The following KDM4C variants were observed in gnomAD, a reference collection of about 807,000 sequenced individuals.
KDM4C encodes the protein lysine-specific demethylase 4C.
KDM4C carries 81 observed loss-of-function variants against 129.3 expected under a neutral mutation model. The observed-to-expected ratio is 0.63, with a 90% confidence interval of 0.52 to 0.75. KDM4C has a LOEUF of 0.75. Among genes scored for constraint, KDM4C ranks in the 30% least tolerant of loss-of-function variants. The pLI, the probability that KDM4C is intolerant of heterozygous loss-of-function variation, is 0.00. For synonymous variants in KDM4C, 573 were observed against 456.1 expected (o/e 1.26, Z -3.26); for missense variants, 1,457 against 1,304.0 (o/e 1.12, Z -1.81).
At chr9:6,905,911 G>C (rs1029340271) in intron 8 of KDM4C, among the ~76,000 whole-genome samples, 1 of 152,052 alleles carries the variant, frequency 6.6e-6, no homozygotes, top group African/African-American at 2.4e-5. Context: ...CAGTTAGAGT[G>C]GCCTCTGTGT....
rs1189160691 is a variant in KDM4C at position 7,049,123 on chromosome 9, C to T, written c.2347C>T (p.Pro783Ser). The change falls in exon 17 of 22, where the codon CCA becomes TCA. Residue 783 changes from proline (P) to serine (S), a missense_variant. Physicochemically the swap from Pro to Ser is moderately conservative, Grantham distance 74. Transcript: ENST00000381309. ...CCATGTCATGTGCGCCGTTGCGGTC[C>T]CAGAAGTTCGATTCACTAATGTCCC... is the stretch of plus-strand genomic sequence containing the variant. ...WAHVMCAVAV[P>S]EVRFTNVPER... 2.5e-6 allele frequency: 4 copies of T among 1,612,488 alleles called. No homozygotes were observed. The highest frequency in any genetic ancestry group is 3.4e-6 in the Non-Finnish European group (4 of 1,178,886).
At chr9:6,888,537 T>C (rs1311702350) in intron 7 of KDM4C, among the ~76,000 whole-genome samples, 3 of 152,208 alleles carry the variant, frequency 2.0e-5, no homozygotes, top group East Asian at 3.8e-4. Flanking sequence ...TAATCTGATA[T>C]TGCTTCTGCG....
intron 4 of KDM4C, among the ~76,000 whole-genome samples, chr9:6,841,850 C>T (rs1316618352): frequency 6.6e-6 from 1 of 152,236 alleles, no homozygotes; most frequent in Admixed American, 6.5e-5. Context: ...TGCCATTCTG[C>T]TGCCTCACAG....
chr9:7,169,026 C>G (rs1844683042), intron 20 of KDM4C, among the ~76,000 whole-genome samples: 2 of 128,646 alleles, frequency 1.6e-5, no homozygotes, highest in African/African-American at 3.0e-5. Context: ...GCCTGAGCAA[C>G]AGGGCAAGGC....
chr9:6,820,132 G>T (rs561265574), intron 4 of KDM4C, among the ~76,000 whole-genome samples: 3 of 152,284 alleles, frequency 2.0e-5, no homozygotes, highest in South Asian at 2.1e-4. Flanking sequence ...TAGACTTTGT[G>T]GGGTGGAGGG....
chr9:6,941,790 G>A (rs1480786933), intron 8 of KDM4C: 3 of 152,330 alleles, frequency 2.0e-5, no homozygotes, highest in African/African-American at 4.8e-5. Context: ...GTACCTAGGA[G>A]TCTGTAGGGC....
At chr9:6,801,550 T>TA (rs558136132) in intron 2 of KDM4C, among the ~76,000 whole-genome samples, 1,688 of 145,510 alleles carry the variant, frequency 0.012, 95 homozygotes, top group Admixed American at 0.096. Context: ...CCTTGTCTCT[T>TA]AAAAAAAAAA....
At chr9:6,804,422 G>C (rs548307548) in intron 2 of KDM4C, among the ~76,000 whole-genome samples, 150 of 152,286 alleles carry the variant, frequency 9.8e-4, no homozygotes, top group Middle Eastern at 3.4e-3. Flanking sequence ...AGATCTACTA[G>C]CATACCGCTG....
rs1451250701 is a variant in KDM4C at position 7,046,185 on chromosome 9, T to G, written c.2260-677T>G. The stretch of plus-strand genomic sequence containing the variant: ...ATATTTGTAGCAATTGGAGTCATCT[T>G]GGAGTAGAAAATTACATTCTAAGCT... On this transcript the variant is annotated intron_variant, in intron 15 of 21. Coordinates refer to ENST00000381309, the MANE Select transcript of KDM4C (RefSeq NM_015061.6). Among the ~76,000 whole-genome samples, 5 of 151,792 alleles carry G rather than the reference T, an allele frequency of 3.3e-5. No homozygotes were observed. In the East Asian group the frequency reaches 9.7e-4, roughly 29 times the overall value.
chr9:6,902,078 G>A (rs908622954), intron 8 of KDM4C, among the ~76,000 whole-genome samples: 6 of 152,126 alleles, frequency 3.9e-5, no homozygotes, highest in Non-Finnish European at 7.4e-5. Context: ...TTGTTGTTTG[G>A]GTTGGGGTTC....
At chr9:7,173,119 A>G (rs1376325560) in intron 21 of KDM4C, among the ~76,000 whole-genome samples, 3 of 152,200 alleles carry the variant, frequency 2.0e-5, no homozygotes, top group Non-Finnish European at 4.4e-5. Context: ...CCTCACCTTT[A>G]TGGGGTTCCC....
chr9:6,772,620 C>G (rs1483479883), intron 1 of KDM4C, among the ~76,000 whole-genome samples: 2 of 152,014 alleles, frequency 1.3e-5, no homozygotes, highest in Non-Finnish European at 2.9e-5. Flanking sequence ...CTCGGCCTCC[C>G]AAAGTGCTGG....
intron 6 of KDM4C, among the ~76,000 whole-genome samples, chr9:6,883,252 G>A (rs553833401): frequency 5.9e-5 from 9 of 152,074 alleles, no homozygotes; most frequent in Non-Finnish European, 1.0e-4. Context: ...ATATTATATT[G>A]AAATGTCTAG....
chr9:7,149,171 G>C (rs1308504520), intron 19 of KDM4C, among the ~76,000 whole-genome samples: 2 of 152,234 alleles, frequency 1.3e-5, no homozygotes, highest in African/African-American at 2.4e-5. Context: ...CAAAATGTCA[G>C]CCTCAGAACT....
At chr9:7,080,750 G>A (rs6477149) in intron 17 of KDM4C, among the ~76,000 whole-genome samples, 117,561 of 152,140 alleles carry the variant, frequency 0.77, 45,695 homozygotes, top group African/African-American at 0.84. Context: ...GGGAAATAAT[G>A]TCCTTTTGCA....
intron 2 of KDM4C, among the ~76,000 whole-genome samples, chr9:6,803,281 G>T (rs960517263): frequency 1.3e-5 from 2 of 152,040 alleles, no homozygotes; most frequent in African/African-American, 2.4e-5. Context: ...ACCTTAAAAA[G>T]ATTGTTTTAG....
intron 12 of KDM4C, among the ~76,000 whole-genome samples, chr9:7,000,635 A>G (rs1291199839): frequency 6.6e-6 from 1 of 152,210 alleles, no homozygotes; most frequent in African/African-American, 2.4e-5. Flanking sequence ...ATTAGGTTAT[A>G]ATATATATGA....
chr9:6,809,538 G>A (rs1830758522), intron 3 of KDM4C, among the ~76,000 whole-genome samples: 1 of 152,144 alleles, frequency 6.6e-6, no homozygotes, highest in Non-Finnish European at 1.5e-5. Flanking sequence ...TGTCATAACT[G>A]CCATAGGAAA....
Position 6,802,400 on chromosome 9 carries a change from A to T in KDM4C, c.145-3199A>T, listed in dbSNP as rs141417427. ...TATGTGTCAGTAATTTGACTCTTAG[A>T]AGTGTCTGTGTATGCATGGATGTTT... On this transcript the variant is annotated intron_variant, in intron 2 of 21. Transcript: ENST00000381309. Among the ~76,000 whole-genome samples the T allele has an allele frequency of 4.1e-3, 625 of 152,318 alleles. 7 individuals are homozygous for T. Among genetic ancestry groups the T allele is most frequent in the African/African-American group, 0.014 (597 of 41,574 alleles).
Sources: allele counts gnomAD v4.1 joint callset (sites outside exome capture counted in the v4.1 genomes callset), GRCh38; gene constraint gnomAD v4.1.1; transcripts MANE v1.5; gene names NCBI Gene and HGNC (gene_info 2026-07-23, HGNC 2026-07-21).